SNTG1: variants seen among roughly 807,000 people sequenced by gnomAD.
SNTG1 encodes the protein gamma-1-syntrophin.
A neutral mutation model predicts 74.7 loss-of-function variants in SNTG1; 39 were observed. The ratio of observed to expected loss-of-function variants is 0.52; its 90% CI spans 0.40 to 0.68. SNTG1 has a LOEUF of 0.68. Among genes scored for constraint, SNTG1 ranks in the 30% least tolerant of loss-of-function variants. The pLI is 0.00. For synonymous variants in SNTG1, 254 were observed against 217.1 expected (o/e 1.17, Z -1.49); for missense variants, 685 against 609.5 (o/e 1.12, Z -1.30).
At chr8:49,910,717 G>A (rs1178863438), upstream of SNTG1, among the ~76,000 whole-genome samples, 2 of 152,176 alleles carry the variant, frequency 1.3e-5, no homozygotes, top group Non-Finnish European at 2.9e-5. Flanking sequence ...AGGGAGGCGA[G>A]GGGGCAGCGT....
intron 15 of SNTG1, among the ~76,000 whole-genome samples, chr8:50,673,688 C>A (rs929995431): frequency 6.6e-6 from 1 of 152,064 alleles, no homozygotes; most frequent in East Asian, 1.9e-4. Flanking sequence ...TGCCTGATTG[C>A]CCTGGCCAGA....
Position 50,409,590 on chromosome 8 carries a change from G to T in SNTG1, c.162+7246G>T, listed in dbSNP as rs183940172. 2.2e-3 allele frequency among the ~76,000 whole-genome samples: 336 copies of T among 152,242 alleles called. 6 individuals are homozygous for T. The highest frequency in any genetic ancestry group is 7.7e-3 in the African/African-American group (318 of 41,562). ...AAAGCTTCAGTTAACATACAAGAAA[G>T]CAATCATCTTCCCCTGGTGCTCCAG... On this transcript the variant is annotated intron_variant, in intron 4 of 18. Transcript: ENST00000642720.
chr8:50,788,456 G>C (rs970874808), intron 18 of SNTG1, among the ~76,000 whole-genome samples: 1 of 151,934 alleles, frequency 6.6e-6, no homozygotes, highest in Non-Finnish European at 1.5e-5. Context: ...TGACTTAGTT[G>C]GCTCTCAATT....
chr8:50,084,941 G>A lies in SNTG1; in HGVS notation c.-102-87620G>A, dbSNP rs574234670. ...GGGCTTTCCAGACTTCAGAACTTCT[G>A]TTTTTCATAAATTATCCAGTCTATG... On this transcript the variant is annotated intron_variant, in intron 1 of 18. Transcript: ENST00000642720. Among the ~76,000 whole-genome samples, 6 of 152,224 alleles carry A rather than the reference G, an allele frequency of 3.9e-5. No individual in the cohort carries two copies. The East Asian group carries it at 1.2e-3, about 29-fold the overall frequency.
At chr8:49,968,378 C>T (rs1811343977) in intron 1 of SNTG1, among the ~76,000 whole-genome samples, 1 of 151,974 alleles carries the variant, frequency 6.6e-6, no homozygotes, top group Admixed American at 6.6e-5. Flanking sequence ...ACTTTTGATT[C>T]TTGTGACTTG....
At chr8:50,188,300 A>G (rs2083453885) in intron 2 of SNTG1, among the ~76,000 whole-genome samples, 1 of 152,092 alleles carries the variant, frequency 6.6e-6, no homozygotes, top group South Asian at 2.1e-4. Flanking sequence ...GAATCATTGT[A>G]GTCCCCCATC....
At chr8:50,073,065 A>G (rs1016167638) in intron 1 of SNTG1, among the ~76,000 whole-genome samples, 8 of 152,148 alleles carry the variant, frequency 5.3e-5, no homozygotes, top group Admixed American at 6.5e-5. Context: ...ATGAGACAAC[A>G]CTGAAGCTTG....
intron 2 of SNTG1, among the ~76,000 whole-genome samples, chr8:50,359,596 G>A (rs2091906250): frequency 6.6e-6 from 1 of 152,116 alleles, no homozygotes; most frequent in Non-Finnish European, 1.5e-5. Flanking sequence ...TGAATCTTAA[G>A]GAGATTTTGG....
chr8:50,641,655 C>A (rs539156553), intron 13 of SNTG1, among the ~76,000 whole-genome samples: 1 of 152,194 alleles, frequency 6.6e-6, no homozygotes, highest in Non-Finnish European at 1.5e-5. Flanking sequence ...TTATCAACCC[C>A]ACAAATGAAC....
chr8:50,761,140 C>A (rs956680058), intron 18 of SNTG1, among the ~76,000 whole-genome samples: 1 of 151,904 alleles, frequency 6.6e-6, no homozygotes, highest in Admixed American at 6.6e-5. Context: ...ACCGGCAAAC[C>A]GAATCCAGCA....
chr8:50,326,559 T>C (rs1468408914), intron 2 of SNTG1, among the ~76,000 whole-genome samples: 1 of 151,654 alleles, frequency 6.6e-6, no homozygotes, highest in Non-Finnish European at 1.5e-5. Context: ...ATGTCTGATA[T>C]TAGTAATTTG....
At chr8:50,057,124 G>T (rs539513359) in intron 1 of SNTG1, among the ~76,000 whole-genome samples, 1 of 152,064 alleles carries the variant, frequency 6.6e-6, no homozygotes, top group East Asian at 1.9e-4. Flanking sequence ...AATAAATTAC[G>T]TGGACAGCCT....
chr8:50,531,296 G>T (rs1237853670), intron 10 of SNTG1, among the ~76,000 whole-genome samples: 2 of 151,396 alleles, frequency 1.3e-5, no homozygotes, highest in African/African-American at 2.4e-5. Flanking sequence ...ACCATCTTCA[G>T]CTGGATATAT....
chr8:49,999,295 A>G (rs1814528160), intron 1 of SNTG1, among the ~76,000 whole-genome samples: 1 of 152,002 alleles, frequency 6.6e-6, no homozygotes, highest in Non-Finnish European at 1.5e-5. Context: ...CTCCCTCTAC[A>G]TTTACATCAT....
At chr8:50,025,555 A>G (rs1817194798) in intron 1 of SNTG1, among the ~76,000 whole-genome samples, 1 of 152,192 alleles carries the variant, frequency 6.6e-6, no homozygotes, top group Non-Finnish European at 1.5e-5. Flanking sequence ...AAATGAGAAC[A>G]TTTGAAGAAG....
Position 50,394,258 on chromosome 8 carries a change from G to A in SNTG1, c.20G>A (p.Cys7Tyr). MDFRTA[C>Y]EETKTGICLL... ...CAGCACATGGATTTCAGAACCGCCT[G>A]TGAGGAGGTGAGTACAGAGCTTTCT... The change falls in exon 3 of 19, where the codon TGT (cysteine) becomes TAT (tyrosine). Residue 7 changes from cysteine (C) to tyrosine (Y), a missense_variant. By Grantham distance (194) the Cys-to-Tyr change is radical. Coordinates refer to ENST00000642720, the MANE Select transcript of SNTG1 (RefSeq NM_018967.5). 1 of 1,613,068 alleles carries A rather than the reference G, an allele frequency of 6.2e-7. No homozygotes were observed. Among genetic ancestry groups the A allele is most frequent in the Non-Finnish European group, 8.5e-7 (1 of 1,179,384 alleles).
At chr8:50,460,532 T>G (rs2093551353) in intron 8 of SNTG1, among the ~76,000 whole-genome samples, 1 of 152,202 alleles carries the variant, frequency 6.6e-6, no homozygotes. Context: ...CAATTGTTTT[T>G]GAGGACTTAG....
intron 13 of SNTG1, among the ~76,000 whole-genome samples, chr8:50,651,342 A>T (rs1489353779): frequency 2.0e-5 from 3 of 151,980 alleles, no homozygotes; most frequent in African/African-American, 7.3e-5. Context: ...GTTGAGACTT[A>T]AAAAAATGCA....
At chr8:50,219,494 T>C (rs950946280) in intron 2 of SNTG1, among the ~76,000 whole-genome samples, 3 of 151,884 alleles carry the variant, frequency 2.0e-5, no homozygotes, top group Non-Finnish European at 2.9e-5. Flanking sequence ...TGAAAAGAGG[T>C]TTAATTGGCT....
Sources: gnomAD v4.1 joint callset for allele counts (sites outside exome capture counted in the v4.1 genomes callset) on GRCh38, gnomAD v4.1.1 for gene constraint, MANE v1.5 for transcripts, NCBI Gene and HGNC (gene_info 2026-07-23, HGNC 2026-07-21) for gene names.